Variants in MTR observed in about 807,000 individuals in gnomAD.
MTR encodes methionine synthase.
In MTR, 84 loss-of-function variants were observed where a neutral mutation model predicts 154.8. The observed-to-expected ratio is 0.54, with a 90% CI of 0.45 to 0.65. The LOEUF is 0.65. Among genes scored for constraint, MTR ranks in the 30% least tolerant of loss-of-function variants. MTR has a pLI of 0.00. For missense variants in MTR, 1,275 were observed against 1,570.2 expected (o/e 0.81, Z 3.18); for synonymous variants, 554 against 553.9 (o/e 1.00, Z 0.00).
chr1:236,811,583 A>G, intron 5 of MTR: 1 of 455,974 alleles, frequency 2.2e-6, no homozygotes, highest in Non-Finnish European at 4.4e-6. Context: ...GTGATACCAC[A>G]CTTTTTCACT....
At chr1:236,814,726 G>C (rs1313115061) in intron 6 of MTR, among the ~76,000 whole-genome samples, 3 of 152,136 alleles carry the variant, frequency 2.0e-5, no homozygotes, top group Non-Finnish European at 2.9e-5. Context: ...ATATGTCTGA[G>C]TAACTGGTTG....
intron 1 of MTR, chr1:236,799,958 G>A: frequency 1.4e-6 from 1 of 695,562 alleles, no homozygotes; most frequent in Non-Finnish European, 1.8e-6. Context: ...CTATACGGTG[G>A]CTCAACAAAC....
At chr1:236,867,296 T>C (rs551870941) in intron 22 of MTR, among the ~76,000 whole-genome samples, 44 of 152,314 alleles carry the variant, frequency 2.9e-4, no homozygotes, top group African/African-American at 9.9e-4. Context: ...GTCTGTGCTC[T>C]ATAAATGGAA....
At chr1:236,826,077 A>G (rs1476922583) in intron 10 of MTR, among the ~76,000 whole-genome samples, 3 of 152,142 alleles carry the variant, frequency 2.0e-5, no homozygotes, top group Admixed American at 2.0e-4. Flanking sequence ...ATGCTGTCCC[A>G]TATGTAGCCA....
At chr1:236,880,957 C>G in intron 25 of MTR, 121 bp downstream of exon 25, 1 of 1,004,144 alleles carries the variant, frequency 1.0e-6, no homozygotes, top group Non-Finnish European at 1.5e-6. Flanking sequence ...CAAAGAGCAG[C>G]CTGAGGCTCA....
intron 32 of MTR, among the ~76,000 whole-genome samples, chr1:236,897,341 C>T (rs1558350844): frequency 7.1e-6 from 1 of 139,992 alleles, no homozygotes; most frequent in Admixed American, 6.8e-5. Flanking sequence ...CACACACACA[C>T]ACATACAGCT....
At chr1:236,822,283 A>G (rs1041651216) in intron 8 of MTR, among the ~76,000 whole-genome samples, 1 of 147,584 alleles carries the variant, frequency 6.8e-6, no homozygotes, top group African/African-American at 2.5e-5. Context: ...TTTTGGTGCT[A>G]GTGTAAATGG....
Position 236,861,007 on chromosome 1 carries a change from T to TC in MTR, c.2044-117dup, listed in dbSNP as rs1372658568. ...CCAGATTGAGTCCATGCACTCTGCT[T>TC]CTGGAACCTGTGCTGTTAGGCATTT... On this transcript the variant is annotated intron_variant, in intron 19 of 32. Coordinates refer to ENST00000366577, the MANE Select transcript of MTR (RefSeq NM_000254.3). 5 of 865,664 alleles carry TC rather than the reference T, an allele frequency of 5.8e-6. No individual in the cohort carries two copies. In the East Asian group the frequency reaches 1.3e-4, roughly 23 times the overall value. 53.6% of individuals were successfully genotyped at this position (865,664 alleles called of 1,614,324 possible).
intron 15 of MTR, among the ~76,000 whole-genome samples, chr1:236,841,380 A>G (rs1406132480): frequency 6.6e-6 from 1 of 152,174 alleles, no homozygotes; most frequent in Non-Finnish European, 1.5e-5. Context: ...GGTAATATTT[A>G]TCTTTTTGTT....
chr1:236,807,013 C>T (rs748135135), intron 3 of MTR, among the ~76,000 whole-genome samples: 3 of 152,092 alleles, frequency 2.0e-5, no homozygotes, highest in Non-Finnish European at 4.4e-5. Flanking sequence ...TTCTACCTTT[C>T]GGCTATTGTG....
chr1:236,830,008 C>G (rs577910679), intron 12 of MTR, among the ~76,000 whole-genome samples: 1 of 152,308 alleles, frequency 6.6e-6, no homozygotes, highest in East Asian at 1.9e-4. Context: ...AATTTAACAT[C>G]TCTCTGAATT....
chr1:236,851,563 C>T (rs1013887918), intron 16 of MTR, among the ~76,000 whole-genome samples: 4 of 152,210 alleles, frequency 2.6e-5, no homozygotes, highest in Admixed American at 6.5e-5. Flanking sequence ...GATTGGTTGA[C>T]AAAAATGTCA....
At chr1:236,880,722 T>C in intron 24 of MTR, 33 bp from the exon 25 acceptor site, 1 of 1,543,728 alleles carries the variant, frequency 6.5e-7, no homozygotes, top group Non-Finnish European at 9.0e-7. Flanking sequence ...TCAGTGCTGA[T>C]GGATATATTT....
chr1:236,893,726 G>T (rs781393188), intron 29 of MTR, among the ~76,000 whole-genome samples: 3 of 152,122 alleles, frequency 2.0e-5, no homozygotes, highest in Non-Finnish European at 4.4e-5. Flanking sequence ...GGTGAAAAAT[G>T]GGGGAGGGTA....
intron 1 of MTR, 80 bp downstream of exon 1, chr1:236,795,817 C>T (rs1042762542): frequency 3.7e-6 from 6 of 1,605,750 alleles, no homozygotes; most frequent in South Asian, 2.2e-5. Flanking sequence ...GGGGCGATTC[C>T]CTTCTGCGGC....
chr1:236,863,172 C>A (rs983041667), intron 21 of MTR, among the ~76,000 whole-genome samples: 2 of 152,186 alleles, frequency 1.3e-5, no homozygotes, highest in African/African-American at 4.8e-5. Flanking sequence ...TCCCCCGCAC[C>A]CAGAGTTAAG....
At chr1:236,897,177 C>G (rs1666671329) in intron 32 of MTR, 59 bp downstream of exon 32, 1 of 1,257,240 alleles carries the variant, frequency 8.0e-7, no homozygotes, top group Non-Finnish European at 1.2e-6. Context: ...TCTAGAACCT[C>G]TCTCATTTTA....
At position 236,820,143 on chromosome 1, in the gene MTR, G is replaced by T. The variant is rs189442380; in HGVS notation, c.764+3600G>T. 1,473 of 765,282 alleles carry T rather than the reference G, an allele frequency of 1.9e-3. 3 individuals are homozygous for T. The highest frequency in any genetic ancestry group is 3.2e-3 in the Non-Finnish European group (1,338 of 418,066). The allele number at this position is 765,282 out of a possible 1,614,324, so 47.4% of individuals were successfully genotyped here. ...TTGCATGCAACAAGGGAGCTCACTC[G>T]GTGGGTTTGATGTGGTGGATGCTGG... On this transcript the variant is annotated intron_variant, in intron 8 of 32. Transcript: ENST00000366577.
At chr1:236,841,110 C>T (rs571885969) in intron 15 of MTR, among the ~76,000 whole-genome samples, 1 of 152,270 alleles carries the variant, frequency 6.6e-6, no homozygotes, top group East Asian at 1.9e-4. Flanking sequence ...TAAGCTGATT[C>T]TTGTAGCATC....
Sources: allele counts gnomAD v4.1 joint callset (sites outside exome capture counted in the v4.1 genomes callset), GRCh38; gene constraint gnomAD v4.1.1; transcripts MANE v1.5; gene names NCBI Gene and HGNC (gene_info 2026-07-23, HGNC 2026-07-21).